MN1: variants seen among roughly 807,000 people sequenced by gnomAD.
The protein encoded by MN1 is MN1 proto-oncogene, transcriptional regulator.
MN1 carries 19 observed loss-of-function variants against 86.9 expected under a neutral mutation model. That is an observed-to-expected ratio of 0.22 (90% CI 0.15 to 0.32). The LOEUF is 0.32. Among genes scored for constraint, MN1 ranks in the 10% least tolerant of loss-of-function variants. The pLI is 1.00. For synonymous variants in MN1, 928 were observed against 849.6 expected (o/e 1.09, Z -1.60); for missense variants, 1,841 against 1,862.0 (o/e 0.99, Z 0.21).
In MN1 at chr22:27,750,747, G is replaced by A. The variant is rs45583937; in HGVS notation, c.*168C>T. On this transcript the variant is annotated 3_prime_UTR_variant, in exon 2 of 2. Transcript: ENST00000302326. Reference sequence around the variant, plus strand: ...CCCCCCCTTTAAATTAACCCTTTCCGGTCCATATGCCACTAAGCAGGTACC... The same window carrying A: ...CCCCCCCTTTAAATTAACCCTTTCCAGTCCATATGCCACTAAGCAGGTACC... 13,130 of 500,514 alleles carry A rather than the reference G, an allele frequency of 0.026. 281 individuals carry two copies. The highest frequency in any genetic ancestry group is 0.077 in the East Asian group (2,313 of 30,094). 31.0% of individuals were successfully genotyped at this position (500,514 alleles called of 1,614,324 possible).
Position 27,797,670 on chromosome 22 carries a change from G to A in MN1, c.2874C>T (p.Phe958=). ...RDSGHVSPGT[F]FDKYSAAPDS... is the part of the protein sequence containing the mutation. ...CCGGAGCCGCCGAGTACTTGTCAAA[G>A]AAGGTGCCAGGGCTCACGTGACCAC... Residue 958 remains phenylalanine (F), a synonymous_variant, in exon 1 of 2, where the codon TTC becomes TTT. Coordinates refer to ENST00000302326, the MANE Select transcript of MN1 (RefSeq NM_002430.3). 4 of 1,605,756 alleles carry A rather than the reference G, an allele frequency of 2.5e-6. No individual in the cohort carries two copies. The highest frequency in any genetic ancestry group is 3.4e-6 in the Non-Finnish European group (4 of 1,176,716).
chr22:27,755,398 G>T (rs1932795716), intron 1 of MN1, among the ~76,000 whole-genome samples: 2 of 152,176 alleles, frequency 1.3e-5, no homozygotes, highest in Admixed American at 6.5e-5. Context: ...GGCAGCACAG[G>T]GGGCCGAGGG....
In MN1 at chr22:27,798,713, C is replaced by A. The variant is rs778402442; in HGVS notation, c.1831G>T (p.Gly611Cys). 4.9e-5 allele frequency: 75 copies of A among 1,535,128 alleles called. No homozygotes were observed. Among genetic ancestry groups the A allele is most frequent in the Non-Finnish European group, 6.4e-5 (73 of 1,146,880 alleles). Reference sequence around the variant, plus strand: ...TCGAAGGTGCCCAGACGCCCGGCGCCCGTGCTGCCGCCTTCGCGCTCAAAG... The same window carrying A: ...TCGAAGGTGCCCAGACGCCCGGCGCACGTGCTGCCGCCTTCGCGCTCAAAG... ...PNFEREGGST[G>C]AGRLGTFEQQ... The change falls in exon 1 of 2, where the codon GGC (glycine) becomes TGC (cysteine). Residue 611 changes from glycine to cysteine, a missense_variant. Transcript: ENST00000302326.
chr22:27,798,582 A>C lies in MN1; in HGVS notation c.1962T>G (p.Ala654=), dbSNP rs1290318209. ...PRRMGGSGLP[A]DCGPHDPSLA... ...GGCTGGGGTCGTGCGGGCCACAGTC[A>C]GCGGGCAGACCCGAGCCGCCCATCC... Residue 654 remains alanine, a synonymous_variant, in exon 1 of 2, where the codon GCT becomes GCG. Transcript: ENST00000302326. The C allele has an allele frequency of 3.2e-6, 5 of 1,544,998 alleles. No individual in the cohort carries two copies. The highest frequency in any genetic ancestry group is 1.9e-5 in the Admixed American group (1 of 51,988).
rs765964141 is a variant in MN1 at position 27,748,401 on chromosome 22, ACACT to A, written c.*2510_*2513del. 5.4e-5 allele frequency: 10 copies of A among 185,992 alleles called. No homozygotes were observed. In the East Asian group the frequency reaches 6.9e-4, roughly 13 times the overall value. The allele number at this position is 185,992 out of a possible 1,614,324, so 11.5% of individuals were successfully genotyped here. ...TTTTTAAAAAAGAAAGAAAAAAATAACACTCAATTTCATGAGCTATTGTCACAGT... is the reference window on the plus strand; with the variant it reads ...TTTTTAAAAAAGAAAGAAAAAAATAACAATTTCATGAGCTATTGTCACAGT... On this transcript the variant is annotated 3_prime_UTR_variant, in exon 2 of 2. Transcript: ENST00000302326.
intron 1 of MN1, among the ~76,000 whole-genome samples, chr22:27,774,570 G>A (rs530832540): frequency 9.2e-5 from 14 of 152,310 alleles, no homozygotes; most frequent in African/African-American, 3.4e-4. Context: ...TCTTCCCTCA[G>A]AGACTTCCTT....
At chr22:27,756,172 G>A (rs1932801093) in intron 1 of MN1, among the ~76,000 whole-genome samples, 1 of 152,228 alleles carries the variant, frequency 6.6e-6, no homozygotes, top group Non-Finnish European at 1.5e-5. Context: ...TGCCTGGGGT[G>A]AAGGGAGAAT....
At chr22:27,755,254 G>A (rs1320375873) in intron 1 of MN1, among the ~76,000 whole-genome samples, 3 of 152,206 alleles carry the variant, frequency 2.0e-5, no homozygotes, top group Non-Finnish European at 4.4e-5. Flanking sequence ...GATTCCTGCT[G>A]AGCCCGGCTA....
intron 1 of MN1, among the ~76,000 whole-genome samples, chr22:27,755,914 C>A (rs1932799256): frequency 6.6e-6 from 1 of 152,226 alleles, no homozygotes; most frequent in African/African-American, 2.4e-5. Context: ...GAGCAAGGAA[C>A]TTTTGTACAT....
intron 1 of MN1, among the ~76,000 whole-genome samples, chr22:27,782,009 G>A (rs1165563496): frequency 6.6e-6 from 1 of 152,104 alleles, no homozygotes; most frequent in East Asian, 1.9e-4. Flanking sequence ...CTGGCAAAAT[G>A]ATCAGGGGCC....
intron 1 of MN1, among the ~76,000 whole-genome samples, chr22:27,769,552 A>AT (rs58248602): frequency 0.011 from 877 of 83,286 alleles, 74 homozygotes; most frequent in African/African-American, 0.039. Context: ...AAGGATGCCA[A>AT]TTTTTTTTTT....
At position 27,791,389 on chromosome 22, in the gene MN1, G is replaced by A. The variant is rs148278476; in HGVS notation, c.3781+5374C>T. Among the ~76,000 whole-genome samples, 4 of 151,720 alleles carry A rather than the reference G, an allele frequency of 2.6e-5. No homozygotes were observed. In the East Asian group the frequency reaches 5.9e-4, roughly 22 times the overall value. ...ACACTCAAATCTGTCCACCCAAGAC[G>A]CGCCTAAATATAGACACCATCCTAA... is the stretch of plus-strand genomic sequence containing the variant. On this transcript the variant is annotated intron_variant, in intron 1 of 1. Coordinates refer to ENST00000302326, the MANE Select transcript of MN1 (RefSeq NM_002430.3).
rs977023093 is a variant in MN1 at position 27,801,671 on chromosome 22, C to CG, written c.-1129dup. 1.9e-4 allele frequency among the ~76,000 whole-genome samples: 29 copies of CG among 151,690 alleles called. No individual in the cohort carries two copies. Among genetic ancestry groups the CG allele is most frequent in the Admixed American group, 5.2e-4 (8 of 15,252 alleles). ...GTCTGCGCACCCCTCTCCCGACTAGCGGGGGGGCTCTGCGTGGGGCGTTCC... is the reference window on the plus strand; with the variant it reads ...GTCTGCGCACCCCTCTCCCGACTAGCGGGGGGGGCTCTGCGTGGGGCGTTCC... On this transcript the variant is annotated 5_prime_UTR_variant, in exon 1 of 2. Coordinates refer to ENST00000302326, the MANE Select transcript of MN1 (RefSeq NM_002430.3).
intron 1 of MN1, among the ~76,000 whole-genome samples, chr22:27,790,824 G>A (rs1014892585): frequency 3.3e-5 from 5 of 152,136 alleles, no homozygotes; most frequent in South Asian, 2.1e-4. Flanking sequence ...GGCGACGTGC[G>A]TCTGCTACTG....
At position 27,800,265 on chromosome 22, in the gene MN1, G is replaced by A; in HGVS notation, c.279C>T (p.Gly93=). 6.3e-7 allele frequency: 1 copy of A among 1,581,956 alleles called. No homozygotes were observed. Among genetic ancestry groups the A allele is most frequent in the Non-Finnish European group, 8.6e-7 (1 of 1,165,060 alleles). ...LQAQPVHGFF[G]GQQPHHGHPG... ...GGTGGCCGTGGTGAGGCTGCTGGCCGCCAAAGAAGCCGTGCACAGGCTGCG... is the reference window on the plus strand; with the variant it reads ...GGTGGCCGTGGTGAGGCTGCTGGCCACCAAAGAAGCCGTGCACAGGCTGCG... The change falls in exon 1 of 2, where the codon GGC becomes GGT. Residue 93 remains glycine (G), a synonymous_variant. Coordinates refer to ENST00000302326, the MANE Select transcript of MN1 (RefSeq NM_002430.3).
In MN1 at chr22:27,801,383, T is replaced by G; in HGVS notation, c.-840A>C. ...CCACGTCCGCCGCCTGCCGCTTCTGTTCTCCGCCGTTGGGTGTCTGAGTTC... is the reference window on the plus strand; with the variant it reads ...CCACGTCCGCCGCCTGCCGCTTCTGGTCTCCGCCGTTGGGTGTCTGAGTTC... On this transcript the variant is annotated 5_prime_UTR_variant, in exon 1 of 2. Transcript: ENST00000302326. 1 of 210,752 alleles carries G rather than the reference T, an allele frequency of 4.7e-6. No individual in the cohort carries two copies. Among genetic ancestry groups the G allele is most frequent in the Non-Finnish European group, 9.6e-6 (1 of 104,056 alleles). The allele number at this position is 210,752 out of a possible 1,614,324, so 13.1% of individuals were successfully genotyped here.
Position 27,801,180 on chromosome 22 carries a change from T to G in MN1, c.-637A>C, listed in dbSNP as rs1432532970. On this transcript the variant is annotated 5_prime_UTR_variant, in exon 1 of 2. Transcript: ENST00000302326. Reference sequence around the variant, plus strand: ...AGGCTCCGGGCGAGCGGCTGCTGCTTCTTCAGCGGGTCGGAGGACTGGAGG... The same window carrying G: ...AGGCTCCGGGCGAGCGGCTGCTGCTGCTTCAGCGGGTCGGAGGACTGGAGG... 1 of 222,060 alleles carries G rather than the reference T, an allele frequency of 4.5e-6. No homozygotes were observed. The highest frequency in any genetic ancestry group is 2.2e-5 in the African/African-American group (1 of 44,514). 13.8% of individuals were successfully genotyped at this position (222,060 alleles called of 1,614,324 possible). A position where few individuals can be genotyped will look rare whatever the true frequency, so the allele number is the denominator to read the frequency against.
intron 1 of MN1, among the ~76,000 whole-genome samples, chr22:27,760,689 G>A (rs1932828783): frequency 6.6e-6 from 1 of 152,182 alleles, no homozygotes; most frequent in African/African-American, 2.4e-5. Context: ...CATCCCACCG[G>A]GGCCACGCAG....
In MN1 at chr22:27,797,913, A is replaced by C; in HGVS notation, c.2631T>G (p.Asp877Glu). The change falls in exon 1 of 2, where the codon GAT (aspartate) becomes GAG (glutamate). Residue 877 changes from aspartate to glutamate, a missense_variant. Coordinates refer to ENST00000302326, the MANE Select transcript of MN1 (RefSeq NM_002430.3). ...GAAVAGNPGS[D>E]YFPGGTAPGA... ...CAGGAGCAGTCCCTCCTGGGAAGTA[A>C]TCCGAGCCCGGGTTGCCGGCCACTG... The C allele has an allele frequency of 6.2e-7, 1 of 1,601,134 alleles. No individual in the cohort carries two copies. Among genetic ancestry groups the C allele is most frequent in the Non-Finnish European group, 8.5e-7 (1 of 1,173,652 alleles).
Sources: allele counts gnomAD v4.1 joint callset (sites outside exome capture counted in the v4.1 genomes callset), GRCh38; gene constraint gnomAD v4.1.1; transcripts MANE v1.5; gene names NCBI Gene and HGNC (gene_info 2026-07-23, HGNC 2026-07-21).